Variants in PTPRK observed in about 807,000 individuals in gnomAD.
The protein encoded by PTPRK is protein tyrosine phosphatase receptor type K.
In PTPRK, 75 loss-of-function variants were observed where a neutral mutation model predicts 178.0. The ratio of observed to expected loss-of-function variants is 0.42; its 90% CI spans 0.35 to 0.51. The LOEUF (loss-of-function observed/expected upper bound fraction) is 0.51. PTPRK is among the 20% of genes least tolerant of loss of function. The pLI, the probability that PTPRK is intolerant of heterozygous loss-of-function variation, is 0.02. For synonymous variants in PTPRK, 637 were observed against 620.6 expected (o/e 1.03, Z -0.39); for missense variants, 1,441 against 1,797.8 (o/e 0.80, Z 3.59).
intron 22 of PTPRK, among the ~76,000 whole-genome samples, chr6:127,983,961 A>C (rs893377645): frequency 1.3e-5 from 2 of 152,194 alleles, no homozygotes; most frequent in Non-Finnish European, 2.9e-5. Flanking sequence ...CAGTGTAAAG[A>C]CTATTTGAAT....
chr6:127,983,549 C>T (rs1039797140), intron 22 of PTPRK, among the ~76,000 whole-genome samples, 172 bp from the exon 23 acceptor site: 1 of 152,158 alleles, frequency 6.6e-6, no homozygotes, highest in African/African-American at 2.4e-5. Context: ...TAGCTTCATG[C>T]AGAGTATCTG....
intron 7 of PTPRK, among the ~76,000 whole-genome samples, chr6:128,145,850 C>T (rs761780596): frequency 5.3e-5 from 8 of 152,162 alleles, no homozygotes; most frequent in African/African-American, 1.4e-4. Flanking sequence ...AACTATCTCA[C>T]TGAAAGTTAT....
At chr6:128,294,383 T>C (rs1398277151) in intron 3 of PTPRK, among the ~76,000 whole-genome samples, 1 of 152,064 alleles carries the variant, frequency 6.6e-6, no homozygotes, top group Non-Finnish European at 1.5e-5. Flanking sequence ...CCTTCTTTTT[T>C]CTTTCTCCAG....
intron 7 of PTPRK, among the ~76,000 whole-genome samples, chr6:128,159,530 T>C (rs1798387690): frequency 6.6e-6 from 1 of 151,880 alleles, no homozygotes; most frequent in South Asian, 2.1e-4. Context: ...GCTCATTTTA[T>C]ATTTAAAGTA....
intron 1 of PTPRK, among the ~76,000 whole-genome samples, chr6:128,454,725 A>G (rs1001175033): frequency 6.6e-6 from 1 of 152,108 alleles, no homozygotes; most frequent in Non-Finnish European, 1.5e-5. Context: ...TTTTGTGTAG[A>G]TCCATACTTC....
intron 13 of PTPRK, among the ~76,000 whole-genome samples, chr6:128,046,066 T>C (rs1777985254): frequency 6.6e-6 from 1 of 152,132 alleles, no homozygotes; most frequent in African/African-American, 2.4e-5. Context: ...GCAGGAAATA[T>C]TAGTGCCTAA....
rs775154512 is a variant in PTPRK, at chr6:128,354,393, G to A, written c.224-32083C>T. ...GCTGGGACTACAGGCATCCACCACC[G>A]CCCGGCTAATTTCTTGTATTTTTAG... On this transcript the variant is annotated intron_variant, in intron 2 of 29. Transcript: ENST00000368226. Among the ~76,000 whole-genome samples the A allele has an allele frequency of 9.9e-5, 15 of 151,278 alleles. No homozygotes were observed. The East Asian group carries it at 2.0e-3, about 20-fold the overall frequency.
At chr6:128,294,037 C>T (rs550470032) in intron 3 of PTPRK, among the ~76,000 whole-genome samples, 3 of 152,042 alleles carry the variant, frequency 2.0e-5, no homozygotes, top group African/African-American at 7.2e-5. Flanking sequence ...TTAATCTTTG[C>T]TTTTTTTATA....
intron 3 of PTPRK, among the ~76,000 whole-genome samples, chr6:128,307,500 T>A (rs1020285081): frequency 1.3e-5 from 2 of 150,602 alleles, no homozygotes; most frequent in African/African-American, 4.9e-5. Context: ...ATATTAAAAT[T>A]AAGGCTTTTT....
intron 3 of PTPRK, among the ~76,000 whole-genome samples, chr6:128,274,012 G>C (rs754610061): frequency 1.8e-4 from 28 of 152,002 alleles, no homozygotes; most frequent in Non-Finnish European, 3.7e-4. Flanking sequence ...AATATGGTAA[G>C]AGTGAAAACA....
intron 3 of PTPRK, among the ~76,000 whole-genome samples, chr6:128,253,230 C>T (rs1816770741): frequency 6.6e-6 from 1 of 151,928 alleles, no homozygotes. Flanking sequence ...GAGGAAAAAC[C>T]AAAAAGGCAA....
intron 12 of PTPRK, among the ~76,000 whole-genome samples, chr6:128,065,128 A>G (rs1781534055): frequency 6.6e-6 from 1 of 152,220 alleles, no homozygotes; most frequent in African/African-American, 2.4e-5. Flanking sequence ...TGCAAAGCTA[A>G]TAAAAACAGT....
At chr6:128,382,038 C>G (rs1222325091) in intron 2 of PTPRK, among the ~76,000 whole-genome samples, 2 of 150,954 alleles carry the variant, frequency 1.3e-5, no homozygotes, top group African/African-American at 4.9e-5. Flanking sequence ...CAAGAATTAG[C>G]CAGGTGTGGT....
chr6:128,498,792 C>CAG (rs1024305019), intron 1 of PTPRK, among the ~76,000 whole-genome samples: 3 of 151,988 alleles, frequency 2.0e-5, no homozygotes, highest in Non-Finnish European at 4.4e-5. Flanking sequence ...GAATGAATGG[C>CAG]AGAGAGAGAG....
At chr6:128,506,526 G>A (rs1405555055) in intron 1 of PTPRK, among the ~76,000 whole-genome samples, 1 of 151,852 alleles carries the variant, frequency 6.6e-6, no homozygotes, top group African/African-American at 2.4e-5. Context: ...CAGGTATGGT[G>A]GCGCACACCT....
At chr6:128,433,177 C>A (rs1028326251) in intron 1 of PTPRK, among the ~76,000 whole-genome samples, 1 of 152,126 alleles carries the variant, frequency 6.6e-6, no homozygotes, top group Non-Finnish European at 1.5e-5. Flanking sequence ...ACTATAGTCA[C>A]CCTACTGTGC....
intron 1 of PTPRK, among the ~76,000 whole-genome samples, chr6:128,492,636 A>T (rs1853990761): frequency 6.6e-6 from 1 of 152,178 alleles, no homozygotes; most frequent in Admixed American, 6.5e-5. Flanking sequence ...TTGCCGCAGC[A>T]CCTGGCATGA....
At chr6:128,368,887 C>T (rs1835875239) in intron 2 of PTPRK, among the ~76,000 whole-genome samples, 1 of 151,646 alleles carries the variant, frequency 6.6e-6, no homozygotes, top group Admixed American at 6.6e-5. Context: ...TATTCAGAGG[C>T]TATAGAAGAA....
chr6:128,511,360 C>A (rs1585028212), intron 1 of PTPRK, among the ~76,000 whole-genome samples: 1 of 152,334 alleles, frequency 6.6e-6, no homozygotes, highest in East Asian at 1.9e-4. Context: ...CCAATCAGCA[C>A]ACTAACTTCC....
Sources: allele counts gnomAD v4.1 joint callset (sites outside exome capture counted in the v4.1 genomes callset), GRCh38; gene constraint gnomAD v4.1.1; transcripts MANE v1.5; gene names NCBI Gene and HGNC (gene_info 2026-07-23, HGNC 2026-07-21).